Variants in USP12 observed in about 807,000 individuals in gnomAD.
The protein encoded by USP12 is ubiquitin carboxyl-terminal hydrolase 12.
A neutral mutation model predicts 45.5 loss-of-function variants in USP12; 19 were observed. The ratio of observed to expected loss-of-function variants is 0.42; its 90% CI spans 0.29 to 0.61. The LOEUF is 0.61. Ranked by LOEUF, USP12 falls within the 20% of genes least tolerant of loss-of-function variation. USP12 has a pLI of 0.22. For missense variants in USP12, 242 were observed against 447.7 expected, an observed-to-expected ratio of 0.54 and a Z score of 4.15; for synonymous variants, 149 against 148.8, an observed-to-expected ratio of 1.00 and a Z score of -0.01.
At chr13:27,121,236 C>T (rs760454717) in intron 1 of USP12, among the ~76,000 whole-genome samples, 3 of 151,836 alleles carry the variant, frequency 2.0e-5, no homozygotes, top group Non-Finnish European at 4.4e-5. Flanking sequence ...AAACATCTTC[C>T]CAAAATTCAT....
At chr13:27,130,564 A>G (rs1223584062) in intron 1 of USP12, among the ~76,000 whole-genome samples, 1 of 148,106 alleles carries the variant, frequency 6.8e-6, no homozygotes, top group Non-Finnish European at 1.5e-5. Context: ...AACATGCCAA[A>G]AAAAAAAAAA....
At chr13:27,146,083 A>C (rs963182981) in intron 1 of USP12, among the ~76,000 whole-genome samples, 1 of 152,102 alleles carries the variant, frequency 6.6e-6, no homozygotes, top group African/African-American at 2.4e-5. Flanking sequence ...TTCTTTTATA[A>C]TCAATCAAAC....
chr13:27,160,740 T>C (rs1015829967), intron 1 of USP12, among the ~76,000 whole-genome samples: 9 of 151,918 alleles, frequency 5.9e-5, no homozygotes, highest in South Asian at 2.1e-4. Flanking sequence ...ACTTGATTCC[T>C]ATTCCTCACC....
intron 1 of USP12, among the ~76,000 whole-genome samples, chr13:27,144,749 T>TG (rs200306142): frequency 1.4e-5 from 1 of 70,058 alleles, no homozygotes; most frequent in Non-Finnish European, 3.6e-5. Flanking sequence ...TTTTTGTTGT[T>TG]TTTTTTTTTT....
chr13:27,086,928 A>C (rs1874071361), intron 6 of USP12, among the ~76,000 whole-genome samples: 1 of 152,188 alleles, frequency 6.6e-6, no homozygotes, highest in African/African-American at 2.4e-5. Flanking sequence ...ATTACCAAAA[A>C]CACTTTCCTT....
chr13:27,093,713 C>A (rs1874426991), intron 4 of USP12, among the ~76,000 whole-genome samples: 1 of 152,204 alleles, frequency 6.6e-6, no homozygotes, highest in South Asian at 2.1e-4. Flanking sequence ...CACACAAAAA[C>A]CTGCACACAA....
chr13:27,087,250 GATGTGTGTGTGTGTGTGT>G (rs1259125031), intron 6 of USP12, among the ~76,000 whole-genome samples: 2 of 25,496 alleles, frequency 7.8e-5, no homozygotes, highest in African/African-American at 2.0e-4. Flanking sequence ...AGTGGGGAGG[GATGTGTGTGTGTGTGTGT>G]GTGTGTGTGT....
chr13:27,124,558 C>T (rs1593196539), intron 1 of USP12, among the ~76,000 whole-genome samples: 1 of 152,098 alleles, frequency 6.6e-6, no homozygotes, highest in South Asian at 2.1e-4. Flanking sequence ...TTTTAGAATG[C>T]AGCATGTATC....
At chr13:27,084,169 T>TACAC (rs374948699) in intron 6 of USP12, among the ~76,000 whole-genome samples, 1,594 of 142,486 alleles carry the variant, frequency 0.011, 12 homozygotes, top group African/African-American at 0.024. Context: ...CATGTTTGCA[T>TACAC]ACACACACAC....
At position 27,066,819 on chromosome 13, in the gene USP12, A is replaced by C. The variant is rs1367444286; in HGVS notation, c.*2464T>G. The C allele has an allele frequency of 1.3e-5, 2 of 152,190 alleles. No individual in the cohort carries two copies. The highest frequency in any genetic ancestry group is 2.9e-5 in the Non-Finnish European group (2 of 68,032). The allele number at this position is 152,190 out of a possible 1,614,324, so 9.4% of individuals were successfully genotyped here. On this transcript the variant is annotated 3_prime_UTR_variant, in exon 9 of 9. Coordinates refer to ENST00000282344, the MANE Select transcript of USP12 (RefSeq NM_182488.4). ...CCCGCATTTTAATCACAGTCAACCA[A>C]CATACAACCTCACGATGCTTTCTTC...
Position 27,083,257 on chromosome 13 carries a change from C to A in USP12, c.734+6626G>T, listed in dbSNP as rs140229488. On this transcript the variant is annotated intron_variant, in intron 6 of 8. Coordinates refer to ENST00000282344, the MANE Select transcript of USP12 (RefSeq NM_182488.4). ...AATAATGAAAAAGTTTGAAATAGTG[C>A]AAGAATTACCAAAAATGTGACAGAG... Among the ~76,000 whole-genome samples, 940 of 152,224 alleles carry A rather than the reference C, an allele frequency of 6.2e-3. 10 individuals are homozygous for A. The highest frequency in any genetic ancestry group is 0.022 in the African/African-American group (894 of 41,520).
At chr13:27,083,141 A>G (rs1349892437) in intron 6 of USP12, among the ~76,000 whole-genome samples, 1 of 152,176 alleles carries the variant, frequency 6.6e-6, no homozygotes, top group Non-Finnish European at 1.5e-5. Flanking sequence ...GGCTAAGTTC[A>G]TCATCTTAAA....
At chr13:27,079,831 GA>G (rs1448130262) in intron 6 of USP12, among the ~76,000 whole-genome samples, 1 of 152,164 alleles carries the variant, frequency 6.6e-6, no homozygotes, top group Non-Finnish European at 1.5e-5. Flanking sequence ...TGACCACACA[GA>G]AAAGCTTAAT....
At chr13:27,130,411 G>A (rs1876438854) in intron 1 of USP12, among the ~76,000 whole-genome samples, 1 of 151,998 alleles carries the variant, frequency 6.6e-6, no homozygotes, top group South Asian at 2.1e-4. Context: ...TGCAAAACTG[G>A]TTTAGAAAAG....
chr13:27,071,521 A>G lies in USP12; in HGVS notation c.933-372T>C, dbSNP rs550510038. Among the ~76,000 whole-genome samples the G allele has an allele frequency of 2.6e-5, 4 of 152,308 alleles. No homozygotes were observed. The South Asian group carries it at 8.3e-4, about 32-fold the overall frequency. On this transcript the variant is annotated intron_variant, in intron 7 of 8. Coordinates refer to ENST00000282344, the MANE Select transcript of USP12 (RefSeq NM_182488.4). ...CAGAACATGCTGAGTTGGACTATAA[A>G]ACAATGCATATAGAATTATTTCTAA... is the stretch of plus-strand genomic sequence containing the variant.
rs373001651 is a variant in USP12, at chr13:27,165,902, T to C, written c.48+5690A>G. Among the ~76,000 whole-genome samples, 11 of 152,142 alleles carry C rather than the reference T, an allele frequency of 7.2e-5. No homozygotes were observed. The East Asian group carries it at 1.9e-3, about 27-fold the overall frequency. On this transcript the variant is annotated intron_variant, in intron 1 of 8. Coordinates refer to ENST00000282344, the MANE Select transcript of USP12 (RefSeq NM_182488.4). Reference sequence around the variant, plus strand: ...CATAATTAGAACTCCCAAGATGTTCTAGAAATGGGCTACAGAGCAAAAAAA... The same window carrying C: ...CATAATTAGAACTCCCAAGATGTTCCAGAAATGGGCTACAGAGCAAAAAAA...
At chr13:27,148,676 T>TTATATATATATATA (rs59164229) in intron 1 of USP12, among the ~76,000 whole-genome samples, 30 of 139,432 alleles carry the variant, frequency 2.2e-4, no homozygotes, top group African/African-American at 7.4e-4. Flanking sequence ...AAAAAAAAAA[T>TTATATATATATATA]TATATATATA....
chr13:27,162,464 T>C (rs892206199), intron 1 of USP12, among the ~76,000 whole-genome samples: 5 of 152,348 alleles, frequency 3.3e-5, no homozygotes, highest in Non-Finnish European at 5.9e-5. Context: ...GGGCTGACTT[T>C]AAGCTTCCTT....
At chr13:27,139,770 G>C (rs1876974164) in intron 1 of USP12, among the ~76,000 whole-genome samples, 1 of 152,172 alleles carries the variant, frequency 6.6e-6, no homozygotes, top group Non-Finnish European at 1.5e-5. Context: ...TACTCACCTA[G>C]ACTGATTCAC....
Sources: gnomAD v4.1 joint callset for allele counts (sites outside exome capture counted in the v4.1 genomes callset) on GRCh38, gnomAD v4.1.1 for gene constraint, MANE v1.5 for transcripts, NCBI Gene and HGNC (gene_info 2026-07-23, HGNC 2026-07-21) for gene names.